Variants in SLC7A5 observed in about 807,000 individuals in gnomAD.
SLC7A5 encodes the protein large neutral amino acids transporter small subunit 1.
A neutral mutation model predicts 50.2 loss-of-function variants in SLC7A5; 23 were observed. The ratio of observed to expected loss-of-function variants is 0.46; its 90% CI spans 0.33 to 0.65. SLC7A5 has a LOEUF of 0.65. SLC7A5 is among the 30% of genes least tolerant of loss of function. The probability of loss-of-function intolerance (pLI) is 0.02; values close to 1 mark genes in which losing one functional copy is unlikely to be tolerated. For synonymous variants in SLC7A5, 393 were observed against 330.6 expected (o/e 1.19, Z -2.05); for missense variants, 578 against 684.4 (o/e 0.84, Z 1.73).
Position 87,840,418 on chromosome 16 carries a change from C to G in SLC7A5, c.815+11G>C, listed in dbSNP as rs992329207. On this transcript the variant is annotated intron_variant, in intron 4 of 9. Coordinates refer to ENST00000261622, the MANE Select transcript of SLC7A5 (RefSeq NM_003486.7). ...ATGAAAAAAGACGGCTCCATCCATT[C>G]TTGCACGTACCTGTAGGGGTTGATC... 2.6e-5 allele frequency: 42 copies of G among 1,608,236 alleles called. No individual in the cohort carries two copies. Among genetic ancestry groups the G allele is most frequent in the Non-Finnish European group, 3.5e-5 (41 of 1,174,738 alleles).
intron 1 of SLC7A5, among the ~76,000 whole-genome samples, chr16:87,865,702 C>A (rs1166602612): frequency 6.6e-6 from 1 of 152,036 alleles, no homozygotes; most frequent in Non-Finnish European, 1.5e-5. Context: ...AAAACTCCAT[C>A]TCAAAGATAA....
chr16:87,867,363 T>A (rs2055476300), intron 1 of SLC7A5, among the ~76,000 whole-genome samples: 1 of 152,098 alleles, frequency 6.6e-6, no homozygotes, highest in Non-Finnish European at 1.5e-5. Context: ...ATCAGAGTCA[T>A]CCCCTACATT....
At chr16:87,867,926 T>C (rs981599796) in intron 1 of SLC7A5, among the ~76,000 whole-genome samples, 2 of 151,884 alleles carry the variant, frequency 1.3e-5, no homozygotes, top group African/African-American at 2.4e-5. Flanking sequence ...CCATCCTGGC[T>C]AACACGGTGA....
chr16:87,852,681 T>A lies in SLC7A5; in HGVS notation c.539-832A>T, dbSNP rs1252357701. ...GTGTGTGTGTGTGTGTGTGTGTGTG[T>A]GTGTGTTGGGGGTTCTGTTGCAATA... On this transcript the variant is annotated intron_variant, in intron 1 of 9. Coordinates refer to ENST00000261622, the MANE Select transcript of SLC7A5 (RefSeq NM_003486.7). This position sits in a 1 kb window ranked among gnomAD's most constrained non-coding sequence, Gnocchi z 4.5. Among the ~76,000 whole-genome samples, 333 of 144,326 alleles carry A rather than the reference T, an allele frequency of 2.3e-3. 1 individual carries two copies. The highest frequency in any genetic ancestry group is 9.1e-3 in the African/African-American group (330 of 36,348). 94.7% of individuals were successfully genotyped at this position (144,326 alleles called of 152,430 possible). A position where few individuals can be genotyped will look rare whatever the true frequency, so the allele number is the denominator to read the frequency against.
chr16:87,851,971 TA>T, intron 1 of SLC7A5, 122 bp from the exon 2 acceptor site: 1 of 1,171,312 alleles, frequency 8.5e-7, no homozygotes, highest in Non-Finnish European at 1.2e-6. Context: ...ACAAGCTCCT[TA>T]AACAGCTCCA....
intron 7 of SLC7A5, chr16:87,837,396 A>T: frequency 5.0e-6 from 1 of 199,170 alleles, no homozygotes; most frequent in Non-Finnish European, 1.0e-5. Context: ...TGAGATAATA[A>T]GTGCTTTTCC....
chr16:87,839,563 G>C (rs970960783), intron 5 of SLC7A5, 139 bp downstream of exon 5: 2 of 1,187,234 alleles, frequency 1.7e-6, no homozygotes, highest in African/African-American at 3.0e-5. Flanking sequence ...CCACCCCTCC[G>C]GGTAGGGGAG....
At chr16:87,847,361 A>G (rs881388) in intron 2 of SLC7A5, among the ~76,000 whole-genome samples, 43,992 of 152,082 alleles carry the variant, frequency 0.29, 7,187 homozygotes, top group East Asian at 0.69. Flanking sequence ...CAGGAAGAGG[A>G]GACCAAGACA....
Position 87,832,889 on chromosome 16 carries a change from G to A in SLC7A5, c.*81C>T. Reference sequence around the variant, plus strand: ...TGGGCAGCTGAGCTGTGGGTTGCGGGGAACCGGAGTGGGTTCGAGGAGGTG... The same window carrying A: ...TGGGCAGCTGAGCTGTGGGTTGCGGAGAACCGGAGTGGGTTCGAGGAGGTG... On this transcript the variant is annotated 3_prime_UTR_variant, in exon 10 of 10. Transcript: ENST00000261622. The surrounding 1 kb of genome is among the most constrained non-coding windows in gnomAD (Gnocchi z 4.6). 8.6e-7 allele frequency: 1 copy of A among 1,161,520 alleles called. No individual in the cohort carries two copies. The highest frequency in any genetic ancestry group is 1.3e-6 in the Non-Finnish European group (1 of 769,782). 72.0% of individuals were successfully genotyped at this position (1,161,520 alleles called of 1,614,324 possible).
At chr16:87,851,654 T>C (rs1361552162) in intron 2 of SLC7A5, 70 bp downstream of exon 2, 2 of 1,577,638 alleles carry the variant, frequency 1.3e-6, no homozygotes, top group African/African-American at 2.7e-5. Flanking sequence ...GGACGGGACC[T>C]CATGCCCTGT....
chr16:87,845,046 G>C (rs866669618), intron 2 of SLC7A5, among the ~76,000 whole-genome samples: 1 of 152,174 alleles, frequency 6.6e-6, no homozygotes. Flanking sequence ...CTGGAGCCAC[G>C]GGCAGCTGGA....
rs1470694038 is a variant in SLC7A5, at chr16:87,834,004, C to T, written c.1468+410G>A. On this transcript the variant is annotated intron_variant, in intron 9 of 9. Coordinates refer to ENST00000261622, the MANE Select transcript of SLC7A5 (RefSeq NM_003486.7). ...GAGTAGCTGGGATTACAGGTGTGTG[C>T]CACTACACCCAGCTGATCTGTGTAT... Among the ~76,000 whole-genome samples, 9 of 152,218 alleles carry T rather than the reference C, an allele frequency of 5.9e-5. No homozygotes were observed. In the South Asian group the frequency reaches 1.9e-3, roughly 32 times the overall value.
In SLC7A5 at chr16:87,833,778, C is replaced by T. The variant is rs753154676; in HGVS notation, c.1468+636G>A. Among the ~76,000 whole-genome samples the T allele has an allele frequency of 2.0e-5, 3 of 151,844 alleles. No homozygotes were observed. Among genetic ancestry groups the T allele is most frequent in the East Asian group, 1.9e-4 (1 of 5,162 alleles). On this transcript the variant is annotated intron_variant, in intron 9 of 9. Coordinates refer to ENST00000261622, the MANE Select transcript of SLC7A5 (RefSeq NM_003486.7). This position sits in a 1 kb window ranked among gnomAD's most constrained non-coding sequence, Gnocchi z 6.0. ...TGGCCACATTTGCAGGCGCTGAGGA[C>T]GGGGTCCTGAGCTTGGTGACAAAGC...
In SLC7A5 at chr16:87,833,525, C is replaced by T. The variant is rs1419128295; in HGVS notation, c.1469-500G>A. On this transcript the variant is annotated intron_variant, in intron 9 of 9. Transcript: ENST00000261622. The surrounding 1 kb of genome is among the most constrained non-coding windows in gnomAD (Gnocchi z 6.0). ...AGGGGGACTGCTTTCAGGATAGAGACGGGGGTTTGCTTTAAGCTCTTGGTG... is the reference window on the plus strand; with the variant it reads ...AGGGGGACTGCTTTCAGGATAGAGATGGGGGTTTGCTTTAAGCTCTTGGTG... Among the ~76,000 whole-genome samples, 5 of 152,240 alleles carry T rather than the reference C, an allele frequency of 3.3e-5. No homozygotes were observed. The highest frequency in any genetic ancestry group is 4.2e-4 in the South Asian group (2 of 4,814).
intron 7 of SLC7A5, 157 bp downstream of exon 7, chr16:87,837,688 G>C: frequency 1.6e-6 from 1 of 621,374 alleles, no homozygotes; most frequent in Non-Finnish European, 2.9e-6. Flanking sequence ...AGCCCCTCCA[G>C]CGCTCTCTGG....
intron 1 of SLC7A5, among the ~76,000 whole-genome samples, chr16:87,867,683 T>C (rs937915169): frequency 6.6e-6 from 1 of 152,100 alleles, no homozygotes; most frequent in African/African-American, 2.4e-5. Context: ...ACCTTGAATG[T>C]GTACACACAC....
Position 87,833,901 on chromosome 16 carries a change from T to C in SLC7A5, c.1468+513A>G, listed in dbSNP as rs564770743. On this transcript the variant is annotated intron_variant, in intron 9 of 9. Transcript: ENST00000261622. This position sits in a 1 kb window ranked among gnomAD's most constrained non-coding sequence, Gnocchi z 6.0. ...AAGAGTCTCGCTCTGTCGCCCAGGC[T>C]GGAGTGCAATGGTGCGATCTCGGCT... is the stretch of plus-strand genomic sequence containing the variant. Among the ~76,000 whole-genome samples the C allele has an allele frequency of 3.8e-4, 57 of 151,318 alleles. No individual in the cohort carries two copies. The highest frequency in any genetic ancestry group is 2.7e-3 in the South Asian group (13 of 4,790).
rs1487039586 is a variant in SLC7A5 at position 87,860,252 on chromosome 16, G to C, written c.539-8403C>G. Among the ~76,000 whole-genome samples, 1 of 148,936 alleles carries C rather than the reference G, an allele frequency of 6.7e-6. No homozygotes were observed. Among genetic ancestry groups the C allele is most frequent in the Non-Finnish European group, 1.5e-5 (1 of 67,496 alleles). On this transcript the variant is annotated intron_variant, in intron 1 of 9. Coordinates refer to ENST00000261622, the MANE Select transcript of SLC7A5 (RefSeq NM_003486.7). This position sits in a 1 kb window ranked among gnomAD's most constrained non-coding sequence, Gnocchi z 4.8. ...GGAAGCTAAGGCAGGAGAATCACTTGAACCCAGGAGGCGGAGGTTGCAGTG... is the reference window on the plus strand; with the variant it reads ...GGAAGCTAAGGCAGGAGAATCACTTCAACCCAGGAGGCGGAGGTTGCAGTG...
At chr16:87,848,882 G>T (rs1349823423) in intron 2 of SLC7A5, among the ~76,000 whole-genome samples, 1 of 148,132 alleles carries the variant, frequency 6.8e-6, no homozygotes, top group Non-Finnish European at 1.5e-5. Context: ...ACTGGGAAGG[G>T]GTGATTACAA....
Sources: gnomAD v4.1 joint callset for allele counts (sites outside exome capture counted in the v4.1 genomes callset) on GRCh38, gnomAD v4.1.1 for gene constraint, Gnocchi (gnomAD v3.1) non-coding constraint, MANE v1.5 for transcripts, NCBI Gene and HGNC (gene_info 2026-07-23, HGNC 2026-07-21) for gene names.